Variants in PDE3B observed in about 807,000 individuals in gnomAD.
PDE3B encodes the protein cGMP-inhibited 3',5'-cyclic phosphodiesterase 3B.
In PDE3B, 66 loss-of-function variants were observed where a neutral mutation model predicts 116.8. The ratio of observed to expected loss-of-function variants is 0.56; its 90% CI spans 0.46 to 0.69. The LOEUF is 0.69. Ranked by LOEUF, PDE3B falls within the 30% of genes least tolerant of loss-of-function variation. PDE3B has a pLI of 0.00. For synonymous variants in PDE3B, 595 were observed against 533.6 expected (o/e 1.12, Z -1.59); for missense variants, 1,384 against 1,368.1 (o/e 1.01, Z -0.18).
At position 14,769,303 on chromosome 11, in the gene PDE3B, A is replaced by G. The variant is rs540033220; in HGVS notation, c.979-2634A>G. Among the ~76,000 whole-genome samples the G allele has an allele frequency of 8.6e-5, 13 of 151,556 alleles. No individual in the cohort carries two copies. The South Asian group carries it at 2.1e-3, about 24-fold the overall frequency. Reference sequence around the variant, plus strand: ...TATTGTAAAAATATAATATTGAAATATTGTAATACAAAATGCTACAGTAGA... The same window carrying G: ...TATTGTAAAAATATAATATTGAAATGTTGTAATACAAAATGCTACAGTAGA... On this transcript the variant is annotated intron_variant, in intron 1 of 15. Coordinates refer to ENST00000282096, the MANE Select transcript of PDE3B (RefSeq NM_000922.4).
rs541104293 is a variant in PDE3B at position 14,701,791 on chromosome 11, CT to C, written c.978+56749del. On this transcript the variant is annotated intron_variant, in intron 1 of 15. Coordinates refer to ENST00000282096, the MANE Select transcript of PDE3B (RefSeq NM_000922.4). ...GTTTATTTGTGAACTAAGTAGTTCA[CT>C]TTTTTTTTTTAAAGCATCCAGTGTT... Among the ~76,000 whole-genome samples the C allele has an allele frequency of 3.6e-3, 525 of 144,986 alleles. 5 individuals carry two copies. The highest frequency in any genetic ancestry group is 4.3e-3 in the Non-Finnish European group (279 of 65,454).
intron 5 of PDE3B, among the ~76,000 whole-genome samples, chr11:14,813,074 G>A (rs1005546290): frequency 6.6e-6 from 1 of 152,176 alleles, no homozygotes; most frequent in Non-Finnish European, 1.5e-5. Flanking sequence ...CCTTGATCTT[G>A]CACTTCCCAG....
Position 14,831,709 on chromosome 11 carries a change from A to C in PDE3B, c.2026A>C (p.Asn676His), listed in dbSNP as rs1301603168. Residue 676 changes from asparagine (N) to histidine (H), a missense_variant, in exon 9 of 16, where the codon AAC becomes CAC. Around this residue, in one of 2 missense-constraint regions of PDE3B, gnomAD observed 428 missense variants for 561.4 expected, o/e 0.76. Coordinates refer to ENST00000282096, the MANE Select transcript of PDE3B (RefSeq NM_000922.4). ...EYDSLIEKMS[N>H]WNFPIFELVE... ...TGACTCATTAATAGAAAAGATGAGC[A>C]ACTGGAATTTTCCAATTTTTGAACT... 1.2e-6 allele frequency: 2 copies of C among 1,600,536 alleles called. No homozygotes were observed. The highest frequency in any genetic ancestry group is 1.7e-6 in the Non-Finnish European group (2 of 1,169,904).
At position 14,741,899 on chromosome 11, in the gene PDE3B, A is replaced by G. The variant is rs182422998; in HGVS notation, c.979-30038A>G. Among the ~76,000 whole-genome samples the G allele has an allele frequency of 7.2e-5, 11 of 152,230 alleles. No homozygotes were observed. In the East Asian group the frequency reaches 2.1e-3, roughly 29 times the overall value. Reference sequence around the variant, plus strand: ...TCTGAGTTGAAAATTCTTTTCTTTAAGAATGTTGAATATTGGCCCCTACTT... The same window carrying G: ...TCTGAGTTGAAAATTCTTTTCTTTAGGAATGTTGAATATTGGCCCCTACTT... On this transcript the variant is annotated intron_variant, in intron 1 of 15. Coordinates refer to ENST00000282096, the MANE Select transcript of PDE3B (RefSeq NM_000922.4).
At position 14,788,297 on chromosome 11, in the gene PDE3B, T is replaced by C. The variant is rs184405418; in HGVS notation, c.1279-809T>C. ...CAGACAACTTGATATAACTATCTTA[T>C]ACACATTAAGAACAAAGAAAGATCA... On this transcript the variant is annotated intron_variant, in intron 3 of 15. Coordinates refer to ENST00000282096, the MANE Select transcript of PDE3B (RefSeq NM_000922.4). Among the ~76,000 whole-genome samples, 36 of 152,090 alleles carry C rather than the reference T, an allele frequency of 2.4e-4. 1 individual carries two copies. The highest frequency in any genetic ancestry group is 2.3e-3 in the Admixed American group (35 of 15,262).
chr11:14,803,916 A>T (rs1188576100), intron 4 of PDE3B, 28 bp from the exon 5 acceptor site: 5 of 1,307,084 alleles, frequency 3.8e-6, no homozygotes, highest in Middle Eastern at 1.8e-4. Context: ...GTTTTTAAAA[A>T]TTTTAACCTG....
At chr11:14,840,492 G>T (rs1860188460) in intron 11 of PDE3B, among the ~76,000 whole-genome samples, 1 of 152,208 alleles carries the variant, frequency 6.6e-6, no homozygotes, top group Admixed American at 6.5e-5. Context: ...AGCACAGAAT[G>T]TAAGTTCAGA....
At chr11:14,890,806 C>G in the PDE3B span, 2 of 952,718 alleles carry the variant, frequency 2.1e-6, no homozygotes, top group Non-Finnish European at 2.5e-6. Flanking sequence ...CCTCGGCCTC[C>G]TAAAGTGCTG....
At chr11:14,714,402 G>A (rs927498422) in intron 1 of PDE3B, among the ~76,000 whole-genome samples, 10 of 151,790 alleles carry the variant, frequency 6.6e-5, no homozygotes, top group African/African-American at 1.2e-4. Context: ...TTAGCTGGGC[G>A]TGGTGGCAGT....
chr11:14,847,815 A>G lies in PDE3B; in HGVS notation c.2520+3789A>G, dbSNP rs1847645069. 2.0e-5 allele frequency among the ~76,000 whole-genome samples: 3 copies of G among 152,318 alleles called. No homozygotes were observed. The South Asian group carries it at 6.2e-4, about 32-fold the overall frequency. The stretch of plus-strand genomic sequence containing the variant: ...AGAAGTTGACTCTCTGAACAGACCA[A>G]TAACAGGCTCTGAAATTGTGGCAAT... On this transcript the variant is annotated intron_variant, in intron 12 of 15. Transcript: ENST00000282096.
At chr11:14,891,275 T>C in the PDE3B span, 2 of 985,198 alleles carry the variant, frequency 2.0e-6, no homozygotes, top group Non-Finnish European at 2.4e-6. Context: ...TTTAAATGAG[T>C]CACCAAGTTG....
At chr11:14,787,742 TATAAG>T (rs1481274065) in intron 3 of PDE3B, among the ~76,000 whole-genome samples, 1 of 151,856 alleles carries the variant, frequency 6.6e-6, no homozygotes, top group Non-Finnish European at 1.5e-5. Context: ...CACTCTATCT[TATAAG>T]AAAGAGGTTA....
chr11:14,716,340 G>A (rs1855891902), intron 1 of PDE3B, among the ~76,000 whole-genome samples: 1 of 152,088 alleles, frequency 6.6e-6, no homozygotes, highest in Non-Finnish European at 1.5e-5. Flanking sequence ...GCGAGGCTGG[G>A]GGAGGGGAGC....
chr11:14,743,688 G>A (rs1590108823), intron 1 of PDE3B, among the ~76,000 whole-genome samples: 1 of 152,204 alleles, frequency 6.6e-6, no homozygotes, highest in Non-Finnish European at 1.5e-5. Context: ...GACCCTGGTG[G>A]CGTAGGTACC....
chr11:14,838,040 G>A (rs185369563), intron 11 of PDE3B, among the ~76,000 whole-genome samples: 2 of 151,500 alleles, frequency 1.3e-5, no homozygotes, highest in Admixed American at 6.6e-5. Context: ...GTGCAGTGGC[G>A]CGATCTCGGC....
At chr11:14,715,679 A>G (rs967074161) in intron 1 of PDE3B, among the ~76,000 whole-genome samples, 4 of 152,126 alleles carry the variant, frequency 2.6e-5, no homozygotes, top group Non-Finnish European at 5.9e-5. Flanking sequence ...GGGTTTTCTA[A>G]ATATACAATC....
intron 1 of PDE3B, among the ~76,000 whole-genome samples, chr11:14,722,158 G>T (rs1171682647): frequency 2.0e-5 from 3 of 150,668 alleles, no homozygotes; most frequent in South Asian, 2.1e-4. Flanking sequence ...AGGGCCTGTT[G>T]TGGAATAGGG....
intron 1 of PDE3B, among the ~76,000 whole-genome samples, chr11:14,762,218 A>G (rs748257376): frequency 4.6e-5 from 7 of 151,854 alleles, no homozygotes; most frequent in Non-Finnish European, 1.0e-4. Flanking sequence ...TCCTGGGCTC[A>G]AATACTCCTC....
At chr11:14,646,966 C>G (rs1853427145) in intron 1 of PDE3B, among the ~76,000 whole-genome samples, 1 of 152,018 alleles carries the variant, frequency 6.6e-6, no homozygotes, top group Admixed American at 6.5e-5. Flanking sequence ...TACATGCCTA[C>G]CTAATATTCT....
Sources: allele counts gnomAD v4.1 joint callset (sites outside exome capture counted in the v4.1 genomes callset), GRCh38; gene constraint gnomAD v4.1.1; regional missense constraint gnomAD v4.1.1; transcripts MANE v1.5; gene names NCBI Gene and HGNC (gene_info 2026-07-23, HGNC 2026-07-21).